The following ARNT variants were observed in gnomAD, a reference collection of about 807,000 sequenced individuals.
ARNT encodes class E basic helix-loop-helix protein 2.
In ARNT, 30 loss-of-function variants were observed where a neutral mutation model predicts 105.0. The ratio of observed to expected loss-of-function variants is 0.29; its 90% CI spans 0.21 to 0.39. The LOEUF (loss-of-function observed/expected upper bound fraction) is 0.39. Ranked by LOEUF, ARNT falls within the 10% of genes least tolerant of loss-of-function variation. ARNT has a pLI of 1.00. For missense variants in ARNT, 748 were observed against 978.7 expected (o/e 0.76, Z 3.15); for synonymous variants, 304 against 344.0 (o/e 0.88, Z 1.29).
intron 4 of ARNT, among the ~76,000 whole-genome samples, chr1:150,843,213 T>C (rs1661581966): frequency 6.6e-6 from 1 of 152,152 alleles, no homozygotes; most frequent in Non-Finnish European, 1.5e-5. Context: ...AAGTAACAAT[T>C]CCCTCTCCAC....
intron 10 of ARNT, 100 bp from the exon 11 acceptor site, chr1:150,830,080 C>A: frequency 7.4e-7 from 1 of 1,354,444 alleles, no homozygotes. Context: ...ATTTATGGGC[C>A]AGGCACCGTG....
intron 3 of ARNT, among the ~76,000 whole-genome samples, 199 bp from the exon 4 acceptor site, chr1:150,846,506 T>G (rs1662237011): frequency 6.6e-6 from 1 of 152,136 alleles, no homozygotes; most frequent in African/African-American, 2.4e-5. Context: ...TTCTGGTATT[T>G]CCATTACCCT....
chr1:150,856,510 C>A lies in ARNT; in HGVS notation c.137+1839G>T, dbSNP rs587739202. On this transcript the variant is annotated intron_variant, in intron 2 of 21. Coordinates refer to ENST00000358595, the MANE Select transcript of ARNT (RefSeq NM_001668.4). ...GGGCATGGTGGCTCATGCCTGTAAT[C>A]CCAGCACTTTGGGAGGCCAAGGTGG... Among the ~76,000 whole-genome samples, 6 of 152,178 alleles carry A rather than the reference C, an allele frequency of 3.9e-5. No individual in the cohort carries two copies. The South Asian group carries it at 1.0e-3, about 26-fold the overall frequency.
intron 3 of ARNT, among the ~76,000 whole-genome samples, 167 bp from the exon 4 acceptor site, chr1:150,846,474 C>G (rs1198319680): frequency 6.6e-6 from 1 of 151,846 alleles, no homozygotes; most frequent in Admixed American, 6.6e-5. Flanking sequence ...CTTAAAAGAC[C>G]CACAACTATT....
At chr1:150,831,341 C>T (rs1015677333) in intron 10 of ARNT, 2 of 152,470 alleles carry the variant, frequency 1.3e-5, no homozygotes, top group African/African-American at 4.8e-5. Context: ...TCACCTTTCT[C>T]ACATTCCTTG....
intron 2 of ARNT, among the ~76,000 whole-genome samples, chr1:150,854,849 C>T (rs1302939853): frequency 2.5e-5 from 2 of 79,066 alleles, no homozygotes; most frequent in African/African-American, 5.1e-5. Context: ...AAGAGCGAAA[C>T]TACATCTCAA....
chr1:150,824,294 T>C (rs1204506643), intron 13 of ARNT, among the ~76,000 whole-genome samples: 1 of 151,856 alleles, frequency 6.6e-6, no homozygotes, highest in East Asian at 1.9e-4. Context: ...GAAAAGACTG[T>C]TTCCCTACTT....
intron 14 of ARNT, among the ~76,000 whole-genome samples, chr1:150,822,238 A>T (rs2101693577): frequency 6.6e-6 from 1 of 152,252 alleles, no homozygotes; most frequent in East Asian, 1.9e-4. Context: ...TTTACCAATT[A>T]AAATCTTTGG....
At chr1:150,829,514 G>T (rs762604963) in intron 11 of ARNT, 1 of 599,820 alleles carries the variant, frequency 1.7e-6, no homozygotes, top group Non-Finnish European at 3.1e-6. Context: ...TACTCAGGTT[G>T]ATATGGTACA....
intron 19 of ARNT, 34 bp downstream of exon 19, chr1:150,816,224 TA>T (rs1238576275): frequency 6.4e-7 from 1 of 1,563,922 alleles, no homozygotes; most frequent in Non-Finnish European, 8.6e-7. Flanking sequence ...AAACAAAAAA[TA>T]ATACACAGGG....
At chr1:150,864,775 A>G (rs1255459066) in intron 1 of ARNT, among the ~76,000 whole-genome samples, 1 of 147,194 alleles carries the variant, frequency 6.8e-6, no homozygotes, top group East Asian at 1.9e-4. Context: ...AAAATAAATA[A>G]ATAAATAAAT....
intron 14 of ARNT, among the ~76,000 whole-genome samples, chr1:150,822,576 C>G (rs867521923): frequency 1.3e-5 from 2 of 152,180 alleles, no homozygotes; most frequent in South Asian, 4.1e-4. Context: ...TCTGAAAGCT[C>G]TGCACTCCTT....
intron 1 of ARNT, among the ~76,000 whole-genome samples, chr1:150,864,446 G>T (rs1666181760): frequency 6.6e-6 from 1 of 151,918 alleles, no homozygotes; most frequent in Non-Finnish European, 1.5e-5. Flanking sequence ...AAAATGATGA[G>T]TTCATGTCCT....
Position 150,831,893 on chromosome 1 carries a change from C to G in ARNT, c.880G>C (p.Gly294Arg), listed in dbSNP as rs753853135. The G allele has an allele frequency of 3.9e-6, 6 of 1,545,522 alleles. No homozygotes were observed. The highest frequency in any genetic ancestry group is 5.3e-6 in the Non-Finnish European group (6 of 1,141,910). The change falls in exon 10 of 22, where the codon GGC becomes CGC. Residue 294 changes from glycine to arginine, a missense_variant. Around this residue, in one of 4 missense-constraint regions of ARNT, gnomAD observed 291 missense variants for 444.6 expected, o/e 0.65. Transcript: ENST00000358595. ...TGAGGTTCCCCATCCTTTACAGAGC[C>G]AAGTCCATTCCTAGAAGAGTTACAG... ...FVRNRCRNGL[G>R]SVKDGEPHFV...
intron 3 of ARNT, among the ~76,000 whole-genome samples, chr1:150,850,976 C>A (rs1180955683): frequency 1.3e-5 from 2 of 150,604 alleles, no homozygotes; most frequent in African/African-American, 2.4e-5. Context: ...CGGCAGCCGC[C>A]CCGTCTGAGA....
chr1:150,817,506 A>C, intron 15 of ARNT, 73 bp from the exon 16 acceptor site: 1 of 1,441,286 alleles, frequency 6.9e-7, no homozygotes, highest in Non-Finnish European at 9.6e-7. Context: ...TGGAGAAAGA[A>C]CCTTAAAACA....
chr1:150,858,567 A>C (rs1665034272), intron 1 of ARNT, 107 bp from the exon 2 acceptor site: 150 of 868,666 alleles, frequency 1.7e-4, no homozygotes, highest in Non-Finnish European at 2.2e-4. Flanking sequence ...ACAAAATCTC[A>C]GCAGTTTGCT....
chr1:150,826,214 C>T (rs879332320), intron 13 of ARNT, among the ~76,000 whole-genome samples: 5 of 152,032 alleles, frequency 3.3e-5, no homozygotes, highest in African/African-American at 4.8e-5. Context: ...CATGCCCAGA[C>T]GAGGAAAACA....
At chr1:150,856,357 G>A (rs1001541010) in intron 2 of ARNT, among the ~76,000 whole-genome samples, 3 of 151,658 alleles carry the variant, frequency 2.0e-5, no homozygotes, top group Non-Finnish European at 4.4e-5. Context: ...GGAGAATGGC[G>A]TGAACCTGGG....
Sources: allele counts gnomAD v4.1 joint callset (sites outside exome capture counted in the v4.1 genomes callset), GRCh38; gene constraint gnomAD v4.1.1; regional missense constraint gnomAD v4.1.1; transcripts MANE v1.5; gene names NCBI Gene and HGNC (gene_info 2026-07-23, HGNC 2026-07-21).